Variants in GRIA2 observed in about 807,000 individuals in gnomAD.
GRIA2 encodes the protein glutamate ionotropic receptor AMPA type subunit 2, also known as glutamate receptor 2.
A neutral mutation model predicts 97.3 loss-of-function variants in GRIA2; 14 were observed. That is an observed-to-expected ratio of 0.14 (90% CI 0.10 to 0.23). The LOEUF is 0.23. Among genes scored for constraint, GRIA2 ranks in the 10% least tolerant of loss-of-function variants. The pLI is 1.00. For missense variants in GRIA2, 558 were observed against 1,069.8 expected (o/e 0.52, Z 6.67); for synonymous variants, 412 against 387.8 (o/e 1.06, Z -0.73).
In GRIA2 at chr4:157,323,578, A is replaced by G. The variant is rs987941216; in HGVS notation, c.882+1979A>G. On this transcript the variant is annotated intron_variant, in intron 6 of 15. Coordinates refer to ENST00000264426, the MANE Select transcript of GRIA2 (RefSeq NM_001083619.3). ...TCTGATGGAGTGGATGTTATCCTCA[A>G]ATGGAACCAGCATGCTCCTTTCGAA... is the stretch of plus-strand genomic sequence containing the variant. Among the ~76,000 whole-genome samples, 10 of 152,088 alleles carry G rather than the reference A, an allele frequency of 6.6e-5. No homozygotes were observed. The South Asian group carries it at 1.7e-3, about 25-fold the overall frequency.
intron 2 of GRIA2, among the ~76,000 whole-genome samples, chr4:157,280,632 C>T (rs878861622): frequency 4.6e-5 from 7 of 151,792 alleles, no homozygotes; most frequent in East Asian, 1.9e-4. Flanking sequence ...CTCGTGTGTG[C>T]GTGCATGTAT....
intron 3 of GRIA2, among the ~76,000 whole-genome samples, chr4:157,305,563 C>A (rs1056134157): frequency 3.9e-5 from 6 of 152,162 alleles, no homozygotes; most frequent in Middle Eastern, 3.2e-3. Context: ...CCATTGCATT[C>A]TGCTGTCTTG....
intron 2 of GRIA2, among the ~76,000 whole-genome samples, chr4:157,268,102 G>A (rs536727745): frequency 6.6e-6 from 1 of 152,050 alleles, no homozygotes; most frequent in African/African-American, 2.4e-5. Context: ...AAGAGGTGGG[G>A]CATAGAAAAA....
At position 157,363,683 on chromosome 4, in the gene GRIA2, A is replaced by G. The variant is rs1368745403; in HGVS notation, c.*252A>G. On this transcript the variant is annotated 3_prime_UTR_variant, in exon 16 of 16. Transcript: ENST00000264426. ...GTGGTGAGAGGCATCCAGTATCTTG[A>G]AGACTTTTCTTTCAGCCAAGAATTC... The G allele has an allele frequency of 1.4e-6, 1 of 702,884 alleles. No homozygotes were observed. The highest frequency in any genetic ancestry group is 1.8e-5 in the African/African-American group (1 of 54,368). 43.5% of individuals were successfully genotyped at this position (702,884 alleles called of 1,614,324 possible). A position where few individuals can be genotyped will look rare whatever the true frequency, so the allele number is the denominator to read the frequency against.
intron 2 of GRIA2, among the ~76,000 whole-genome samples, chr4:157,298,174 A>G (rs1341160082): frequency 4.6e-5 from 7 of 152,178 alleles, no homozygotes; most frequent in Admixed American, 4.6e-4. Flanking sequence ...ACATGGCAGA[A>G]CCAAGGAGAA....
At chr4:157,282,739 A>G (rs566387424) in intron 2 of GRIA2, among the ~76,000 whole-genome samples, 1 of 152,250 alleles carries the variant, frequency 6.6e-6, no homozygotes, top group South Asian at 2.1e-4. Context: ...CAAACAAAAT[A>G]ATACAATTAC....
At chr4:157,256,882 A>T (rs940025044) in intron 2 of GRIA2, among the ~76,000 whole-genome samples, 7 of 152,044 alleles carry the variant, frequency 4.6e-5, no homozygotes, top group African/African-American at 9.7e-5. Context: ...GGAGAGCCAA[A>T]TTTGGATTCT....
intron 2 of GRIA2, among the ~76,000 whole-genome samples, chr4:157,231,078 C>T (rs1729992685): frequency 6.6e-6 from 1 of 151,812 alleles, no homozygotes; most frequent in African/African-American, 2.4e-5. Context: ...CTCGCTCTGT[C>T]ACCCAGGATA....
At chr4:157,317,743 C>G in intron 5 of GRIA2, 32 bp downstream of exon 5, 1 of 831,438 alleles carries the variant, frequency 1.2e-6, no homozygotes, top group Non-Finnish European at 2.0e-6. Context: ...TATTATTTTA[C>G]TAGATATGCT....
At chr4:157,260,356 C>T (rs935816312) in intron 2 of GRIA2, among the ~76,000 whole-genome samples, 2 of 152,068 alleles carry the variant, frequency 1.3e-5, no homozygotes, top group Non-Finnish European at 2.9e-5. Context: ...AATTCTGTGT[C>T]ACATAGCAAC....
At chr4:157,292,020 A>C (rs1733128457) in intron 2 of GRIA2, among the ~76,000 whole-genome samples, 1 of 152,074 alleles carries the variant, frequency 6.6e-6, no homozygotes, top group South Asian at 2.1e-4. Flanking sequence ...GTGTGAAACT[A>C]CTGAGAATCA....
intron 2 of GRIA2, among the ~76,000 whole-genome samples, chr4:157,263,852 G>C (rs1255696681): frequency 1.3e-5 from 2 of 151,942 alleles, no homozygotes; most frequent in Non-Finnish European, 1.5e-5. Flanking sequence ...TGATCTTTCT[G>C]GTGGCGATTT....
chr4:157,304,285 C>T (rs971170323), intron 3 of GRIA2, among the ~76,000 whole-genome samples: 10 of 152,176 alleles, frequency 6.6e-5, no homozygotes, highest in Non-Finnish European at 1.0e-4. Context: ...GATCAACCCA[C>T]GTATGGTACA....
At chr4:157,338,023 T>TATATATATATATATATATATATAC (rs1735374152) in intron 11 of GRIA2, among the ~76,000 whole-genome samples, 2 of 12,724 alleles carry the variant, frequency 1.6e-4, no homozygotes, top group African/African-American at 2.8e-4. Context: ...TATATATATA[T>TATATATATATATATATATATATAC]ATATATATAT....
Position 157,341,444 on chromosome 4 carries a change from C to T in GRIA2, c.2025C>T (p.Ser675=). 3 of 1,608,656 alleles carry T rather than the reference C, an allele frequency of 1.9e-6. No homozygotes were observed. The highest frequency in any genetic ancestry group is 1.7e-6 in the Non-Finnish European group (2 of 1,175,252). The change falls in exon 12 of 16, where the codon TCC becomes TCT. Residue 675 remains serine (S), a synonymous_variant. Coordinates refer to ENST00000264426, the MANE Select transcript of GRIA2 (RefSeq NM_001083619.3). ...EIAYGTLDSG[S]TKEFFRRSKI... ...CTTATGGAACATTAGACTCTGGCTCCACTAAAGAGTTTTTCAGGGTAAGAG... is the reference window on the plus strand; with the variant it reads ...CTTATGGAACATTAGACTCTGGCTCTACTAAAGAGTTTTTCAGGGTAAGAG...
At chr4:157,259,001 TG>T (rs1386268912) in intron 2 of GRIA2, among the ~76,000 whole-genome samples, 1 of 151,928 alleles carries the variant, frequency 6.6e-6, no homozygotes, top group African/African-American at 2.4e-5. Context: ...ACAGGATGAT[TG>T]CTTGAGTCCA....
At chr4:157,360,223 C>T (rs1162823736) in intron 13 of GRIA2, 80 bp downstream of exon 13, 23 of 1,426,142 alleles carry the variant, frequency 1.6e-5, no homozygotes, top group Non-Finnish European at 2.1e-5. Flanking sequence ...GACTCTCTTA[C>T]GGTTTGTATA....
intron 2 of GRIA2, among the ~76,000 whole-genome samples, chr4:157,287,522 A>T (rs1732898761): frequency 1.3e-5 from 2 of 151,506 alleles, no homozygotes; most frequent in South Asian, 4.1e-4. Context: ...TAGGGAGCAT[A>T]TGTGTTTATT....
At chr4:157,305,479 A>G (rs903048644) in intron 3 of GRIA2, among the ~76,000 whole-genome samples, 8 of 152,234 alleles carry the variant, frequency 5.3e-5, no homozygotes, top group Middle Eastern at 3.4e-3. Context: ...ATAGCTTCTC[A>G]TTATGATGAG....
Sources: gnomAD v4.1 joint callset for allele counts (sites outside exome capture counted in the v4.1 genomes callset) on GRCh38, gnomAD v4.1.1 for gene constraint, MANE v1.5 for transcripts, NCBI Gene and HGNC (gene_info 2026-07-23, HGNC 2026-07-21) for gene names.